Variants in JMJD1C observed in about 807,000 individuals in gnomAD.
JMJD1C encodes the protein jumonji domain containing 1C, also known as jumonji domain-containing protein 1C.
Under a neutral mutation model 245.3 loss-of-function variants are expected in JMJD1C, and 31 were observed. That is an observed-to-expected ratio of 0.13 (90% CI 0.09 to 0.17). JMJD1C has a LOEUF of 0.17. Among genes scored for constraint, JMJD1C ranks in the 10% least tolerant of loss-of-function variants. JMJD1C has a pLI of 1.00. For synonymous variants in JMJD1C, 1,057 were observed against 1,017.4 expected, an observed-to-expected ratio of 1.04 and a Z score of -0.74; for missense variants, 2,691 against 3,000.2, an observed-to-expected ratio of 0.90 and a Z score of 2.41.
chr10:63,344,390 C>T (rs1484501947), intron 2 of JMJD1C, among the ~76,000 whole-genome samples: 1 of 152,088 alleles, frequency 6.6e-6, no homozygotes, highest in Admixed American at 6.5e-5. Flanking sequence ...GTAGGCAAAC[C>T]ATCTTGGTTT....
At chr10:63,190,213 T>C (rs1844616074) in intron 17 of JMJD1C, among the ~76,000 whole-genome samples, 1 of 151,684 alleles carries the variant, frequency 6.6e-6, no homozygotes, top group African/African-American at 2.4e-5. Context: ...CATATACTTT[T>C]ATTTTTTTTG....
At chr10:63,231,178 A>T (rs1379063469) in intron 3 of JMJD1C, among the ~76,000 whole-genome samples, 6 of 152,348 alleles carry the variant, frequency 3.9e-5, no homozygotes, top group Non-Finnish European at 8.8e-5. Flanking sequence ...CAAGATCTTA[A>T]TGCACACAAA....
At chr10:63,227,644 T>A (rs1032919781) in intron 3 of JMJD1C, among the ~76,000 whole-genome samples, 1 of 152,192 alleles carries the variant, frequency 6.6e-6, no homozygotes, top group Non-Finnish European at 1.5e-5. Context: ...TGTGGTAACA[T>A]CCAGTGTGCT....
intron 2 of JMJD1C, among the ~76,000 whole-genome samples, chr10:63,289,921 T>C (rs1251801840): frequency 6.6e-6 from 1 of 151,814 alleles, no homozygotes; most frequent in Non-Finnish European, 1.5e-5. Context: ...CTTATAAAAT[T>C]TAAATATATA....
At chr10:63,473,000 G>T (rs1460491509) in intron 1 of JMJD1C, among the ~76,000 whole-genome samples, 1 of 151,698 alleles carries the variant, frequency 6.6e-6, no homozygotes, top group Non-Finnish European at 1.5e-5. Context: ...GGCCAGGATG[G>T]TCTCGATCTC....
At chr10:63,393,259 T>C (rs1948222566) in intron 1 of JMJD1C, among the ~76,000 whole-genome samples, 1 of 152,016 alleles carries the variant, frequency 6.6e-6, no homozygotes, top group African/African-American at 2.4e-5. Context: ...CAGAGTGAGA[T>C]CCTGTCTCAA....
At chr10:63,455,160 G>A (rs1050622511) in intron 1 of JMJD1C, among the ~76,000 whole-genome samples, 1 of 152,152 alleles carries the variant, frequency 6.6e-6, no homozygotes, top group African/African-American at 2.4e-5. Context: ...AGGCTGATCG[G>A]GGCAGGTGTG....
chr10:63,451,118 T>C (rs1952041903), intron 1 of JMJD1C, among the ~76,000 whole-genome samples: 1 of 152,022 alleles, frequency 6.6e-6, no homozygotes, highest in Admixed American at 6.5e-5. Flanking sequence ...CTGGTACATA[T>C]CAAAGGAAAT....
chr10:63,384,055 T>C (rs1947409378), intron 1 of JMJD1C, among the ~76,000 whole-genome samples: 2 of 152,192 alleles, frequency 1.3e-5, no homozygotes, highest in Admixed American at 1.3e-4. Flanking sequence ...CACCAACGGT[T>C]AAGTAGTATT....
intron 1 of JMJD1C, among the ~76,000 whole-genome samples, chr10:63,440,559 T>C (rs1189426925): frequency 6.6e-6 from 1 of 152,020 alleles, no homozygotes; most frequent in Non-Finnish European, 1.5e-5. Flanking sequence ...TCAACAAAAT[T>C]CAAACACATT....
intron 2 of JMJD1C, among the ~76,000 whole-genome samples, chr10:63,276,457 T>C (rs1318855861): frequency 1.7e-5 from 2 of 118,282 alleles, no homozygotes; most frequent in Non-Finnish European, 1.8e-5. Context: ...CAGAGTGAGA[T>C]TCCGTCTCAA....
At chr10:63,220,080 T>C in intron 3 of JMJD1C, 97 bp from the exon 4 acceptor site, 5 of 812,710 alleles carry the variant, frequency 6.2e-6, no homozygotes, top group Non-Finnish European at 9.7e-6. Flanking sequence ...TGAATAAAAT[T>C]CCTTTGATCT....
chr10:63,180,643 C>T (rs979147330), intron 22 of JMJD1C, among the ~76,000 whole-genome samples: 7 of 152,144 alleles, frequency 4.6e-5, no homozygotes, highest in African/African-American at 1.7e-4. Context: ...TGCTGTGTCA[C>T]CCAGGATGGA....
chr10:63,335,757 T>C (rs1942657184), intron 2 of JMJD1C, among the ~76,000 whole-genome samples: 1 of 152,098 alleles, frequency 6.6e-6, no homozygotes, highest in East Asian at 2.0e-4. Context: ...GTGATCTGCC[T>C]GCCTCGGCCT....
rs1844732088 is a variant in JMJD1C at position 63,191,022 on chromosome 10, G to C, written c.6163C>G (p.Leu2055Val). 3.1e-6 allele frequency: 5 copies of C among 1,614,160 alleles called. No individual in the cohort carries two copies. The highest frequency in any genetic ancestry group is 3.4e-6 in the Non-Finnish European group (4 of 1,179,958). ...SESPNGRTSP[L>V]VSQNNEQGST... is the part of the protein sequence containing the mutation. ...CCTTGTTCATTATTCTGGGACACAA[G>C]AGGTGATGTTCTGCCATTTGGAGAT... Residue 2055 changes from leucine to valine, a missense_variant, in exon 17 of 26, where the codon CTT (leucine) becomes GTT (valine). Coordinates refer to ENST00000399262, the MANE Select transcript of JMJD1C (RefSeq NM_032776.3).
At chr10:63,424,121 G>A (rs1299159596) in intron 1 of JMJD1C, among the ~76,000 whole-genome samples, 1 of 151,952 alleles carries the variant, frequency 6.6e-6, no homozygotes, top group African/African-American at 2.4e-5. Context: ...CAGCATTATC[G>A]TGGTTCACTG....
chr10:63,484,543 G>A (rs1404941639), intron 1 of JMJD1C, among the ~76,000 whole-genome samples: 1 of 151,792 alleles, frequency 6.6e-6, no homozygotes, highest in Non-Finnish European at 1.5e-5. Flanking sequence ...ATAATTTGTA[G>A]CTGAACTTGA....
At chr10:63,338,452 G>T (rs895504600) in intron 2 of JMJD1C, among the ~76,000 whole-genome samples, 1 of 151,562 alleles carries the variant, frequency 6.6e-6, no homozygotes, top group Non-Finnish European at 1.5e-5. Context: ...GGATCTTAAT[G>T]ATTTGTTTTG....
At chr10:63,263,953 TACACATACACACACACACACAC>T (rs1281910447) in intron 3 of JMJD1C, among the ~76,000 whole-genome samples, 1 of 33,960 alleles carries the variant, frequency 2.9e-5, no homozygotes, top group Non-Finnish European at 5.3e-5. Flanking sequence ...AAAAAAAAAA[TACACATACACACACACACACAC>T]ACACACACAC....
Sources: gnomAD v4.1 joint callset for allele counts (sites outside exome capture counted in the v4.1 genomes callset) on GRCh38, gnomAD v4.1.1 for gene constraint, MANE v1.5 for transcripts, NCBI Gene and HGNC (gene_info 2026-07-23, HGNC 2026-07-21) for gene names.